The following TMEM266 variants were observed in gnomAD, a reference collection of about 807,000 sequenced individuals.
The protein encoded by TMEM266 is transmembrane protein 266, also known as Hv1 related protein 1.
A neutral mutation model predicts 50.5 loss-of-function variants in TMEM266; 33 were observed. The ratio of observed to expected loss-of-function variants is 0.65; its 90% CI spans 0.50 to 0.87. TMEM266 has a LOEUF of 0.87. TMEM266 is among the 40% of genes least tolerant of loss of function. The probability of loss-of-function intolerance (pLI) is 0.00; values close to 1 mark genes in which losing one functional copy is unlikely to be tolerated. For missense variants in TMEM266, 655 were observed against 695.1 expected (o/e 0.94, Z 0.65); for synonymous variants, 310 against 292.3 (o/e 1.06, Z -0.62).
At chr15:76,079,051 C>G (rs991822610) in intron 1 of TMEM266, among the ~76,000 whole-genome samples, 1 of 152,210 alleles carries the variant, frequency 6.6e-6, no homozygotes, top group Non-Finnish European at 1.5e-5. Flanking sequence ...CATTCGTATT[C>G]TGAGCTCAGA....
rs952228462 is a variant in TMEM266 at position 76,130,369 on chromosome 15, C to A, written c.-96-3799C>A. ...CCTGGCCAACATGGTGAAACCCCGT[C>A]TCTACTAATAATATAAAAAAAATTA... is the stretch of plus-strand genomic sequence containing the variant. On this transcript the variant is annotated intron_variant, in intron 1 of 10. Coordinates refer to ENST00000388942, the MANE Select transcript of TMEM266 (RefSeq NM_152335.3). 6.6e-5 allele frequency among the ~76,000 whole-genome samples: 10 copies of A among 151,416 alleles called. No homozygotes were observed. The East Asian group carries it at 1.9e-3, about 30-fold the overall frequency.
intron 1 of TMEM266, among the ~76,000 whole-genome samples, chr15:76,069,823 A>AG (rs560519707): frequency 0.016 from 2,486 of 151,982 alleles, 67 homozygotes; most frequent in African/African-American, 0.057. Context: ...GTCTCAGAAA[A>AG]GAAAAAAAAA....
intron 8 of TMEM266, among the ~76,000 whole-genome samples, chr15:76,181,673 T>G (rs1053477890): frequency 8.5e-5 from 13 of 152,220 alleles, no homozygotes; most frequent in African/African-American, 3.1e-4. Flanking sequence ...AGGCTGCCCT[T>G]CAGAGAGACG....
chr15:76,077,785 A>T (rs1348859663), intron 1 of TMEM266, among the ~76,000 whole-genome samples: 1 of 152,070 alleles, frequency 6.6e-6, no homozygotes, highest in East Asian at 1.9e-4. Flanking sequence ...CCCTCACGAC[A>T]CCTTGATTTT....
At chr15:76,145,382 G>T (rs1390552045) in intron 3 of TMEM266, among the ~76,000 whole-genome samples, 1 of 152,164 alleles carries the variant, frequency 6.6e-6, no homozygotes, top group Admixed American at 6.5e-5. Context: ...CTTCCAAGAG[G>T]GCTGCCTGTG....
At chr15:76,092,216 A>G (rs1037083110) in intron 1 of TMEM266, among the ~76,000 whole-genome samples, 7 of 152,060 alleles carry the variant, frequency 4.6e-5, no homozygotes, top group Non-Finnish European at 1.0e-4. Flanking sequence ...CAGTGAATAT[A>G]CTGTAATTAT....
At chr15:76,180,607 C>CTTTTTTTTT (rs59287886) in intron 8 of TMEM266, among the ~76,000 whole-genome samples, 2 of 63,182 alleles carry the variant, frequency 3.2e-5, no homozygotes, top group Non-Finnish European at 5.3e-5. Flanking sequence ...TCATCTTAAG[C>CTTTTTTTTT]TTTTTTTTTT....
At chr15:76,133,213 C>A (rs1266789506) in intron 1 of TMEM266, among the ~76,000 whole-genome samples, 2 of 152,058 alleles carry the variant, frequency 1.3e-5, no homozygotes, top group African/African-American at 4.8e-5. Context: ...GCGGGCGGAT[C>A]ACCTGAGGTT....
intron 8 of TMEM266, among the ~76,000 whole-genome samples, chr15:76,184,027 C>T (rs1034512439): frequency 2.6e-5 from 4 of 152,292 alleles, no homozygotes; most frequent in East Asian, 1.9e-4. Flanking sequence ...AACGGCTCTG[C>T]GTAGGTCACT....
Position 76,085,020 on chromosome 15 carries a change from CG to C in TMEM266, c.-97+25005del, listed in dbSNP as rs1289124409. Among the ~76,000 whole-genome samples, 15 of 150,464 alleles carry C rather than the reference CG, an allele frequency of 1.0e-4. No homozygotes were observed. In the South Asian group the frequency reaches 2.3e-3, roughly 23 times the overall value. On this transcript the variant is annotated intron_variant, in intron 1 of 10. Coordinates refer to ENST00000388942, the MANE Select transcript of TMEM266 (RefSeq NM_152335.3). ...TGTTGCCCAGGCTAGAGTGCAGTGG[CG>C]CGATCTCGGCTCACTACAAGCTCCG...
chr15:76,171,981 A>G (rs1490369253), intron 7 of TMEM266, among the ~76,000 whole-genome samples: 2 of 152,094 alleles, frequency 1.3e-5, no homozygotes, highest in Admixed American at 1.3e-4. Context: ...ATCTTATGGA[A>G]GGGGGAAGAC....
chr15:76,105,284 CA>C (rs1217474547), intron 1 of TMEM266, among the ~76,000 whole-genome samples: 6 of 152,150 alleles, frequency 3.9e-5, no homozygotes, highest in African/African-American at 1.4e-4. Flanking sequence ...TATTCCACTT[CA>C]CTACCCCCTT....
intron 9 of TMEM266, 54 bp from the exon 10 acceptor site, chr15:76,202,148 A>G: frequency 6.8e-7 from 1 of 1,480,806 alleles, no homozygotes. Context: ...CAGGAGTATA[A>G]GGGGTAGAGA....
intron 1 of TMEM266, among the ~76,000 whole-genome samples, chr15:76,081,627 A>G (rs2036695972): frequency 6.6e-6 from 1 of 152,236 alleles, no homozygotes. Flanking sequence ...CTGACAGTGT[A>G]GACAGTGGCA....
At chr15:76,169,794 C>T in intron 5 of TMEM266, 22 bp from the exon 6 acceptor site, 1 of 1,611,766 alleles carries the variant, frequency 6.2e-7, no homozygotes. Context: ...AGAATAACCA[C>T]TTTCTCACTT....
chr15:76,090,552 A>G (rs946998904), intron 1 of TMEM266, among the ~76,000 whole-genome samples: 5 of 152,094 alleles, frequency 3.3e-5, no homozygotes, highest in African/African-American at 1.2e-4. Context: ...AGAACCTCAA[A>G]GGAAACAAAA....
chr15:76,071,745 C>T (rs1303428061), intron 1 of TMEM266, among the ~76,000 whole-genome samples: 2 of 152,040 alleles, frequency 1.3e-5, no homozygotes, highest in South Asian at 4.1e-4. Context: ...TCACTGACCC[C>T]AGAAAGCAAG....
intron 1 of TMEM266, among the ~76,000 whole-genome samples, chr15:76,106,589 G>C (rs1385285869): frequency 6.6e-6 from 1 of 152,020 alleles, no homozygotes; most frequent in Non-Finnish European, 1.5e-5. Context: ...CCAGGTGCTT[G>C]CCATCACACT....
intron 8 of TMEM266, 151 bp from the exon 9 acceptor site, chr15:76,191,817 G>T: frequency 2.8e-6 from 2 of 705,232 alleles, no homozygotes; most frequent in Non-Finnish European, 4.3e-6. Flanking sequence ...CCGCGATGCT[G>T]GGAGATTCCT....
Sources: gnomAD v4.1 joint callset for allele counts (sites outside exome capture counted in the v4.1 genomes callset) on GRCh38, gnomAD v4.1.1 for gene constraint, MANE v1.5 for transcripts, NCBI Gene and HGNC (gene_info 2026-07-23, HGNC 2026-07-21) for gene names.